The following KCTD3 variants were observed in gnomAD, a reference collection of about 807,000 sequenced individuals.
KCTD3 encodes BTB/POZ domain-containing protein KCTD3.
Under a neutral mutation model 85.8 loss-of-function variants are expected in KCTD3, and 41 were observed. That is an observed-to-expected ratio of 0.48 (90% CI 0.37 to 0.62). KCTD3 has a LOEUF of 0.62. KCTD3 is among the 20% of genes least tolerant of loss of function. The pLI, the probability that KCTD3 is intolerant of heterozygous loss-of-function variation, is 0.00. For synonymous variants in KCTD3, 338 were observed against 345.4 expected (o/e 0.98, Z 0.24); for missense variants, 724 against 989.9 (o/e 0.73, Z 3.60).
intron 15 of KCTD3, among the ~76,000 whole-genome samples, chr1:215,614,981 A>G (rs1226051128): frequency 6.6e-6 from 1 of 152,192 alleles, no homozygotes; most frequent in East Asian, 1.9e-4. Flanking sequence ...AATGTAGTAT[A>G]TCATATTTAC....
At chr1:215,617,544 A>G (rs1441968570) in intron 15 of KCTD3, among the ~76,000 whole-genome samples, 2 of 151,958 alleles carry the variant, frequency 1.3e-5, no homozygotes, top group African/African-American at 4.8e-5. Flanking sequence ...GGAGTGAAGG[A>G]CATTCTGCCC....
chr1:215,597,331 A>G (rs1654631521), intron 10 of KCTD3, among the ~76,000 whole-genome samples: 1 of 152,138 alleles, frequency 6.6e-6, no homozygotes, highest in Non-Finnish European at 1.5e-5. Flanking sequence ...AAGAATATTA[A>G]TAAGGAATTA....
chr1:215,567,732 G>A lies in KCTD3; in HGVS notation c.47G>A (p.Ser16Asn), dbSNP rs1204861079. Residue 16 changes from serine to asparagine, a missense_variant, in exon 1 of 18, where the codon AGC (serine) becomes AAC (asparagine). Physicochemically the swap from Ser to Asn is conservative, Grantham distance 46 (BLOSUM62 1). This residue lies in a region of KCTD3 where 97 missense variants were observed against 115.7 expected (regional missense o/e 0.84). Transcript: ENST00000259154. ...AGCTTCCCCGCGGCGGCGGCCGGCA[G>A]CGGCGAGATCGTCCAACTGAACGTA... ...CGSFPAAAAG[S>N]GEIVQLNVGG... 1.6e-6 allele frequency: 2 copies of A among 1,244,122 alleles called. No individual in the cohort carries two copies. Among genetic ancestry groups the A allele is most frequent in the Non-Finnish European group, 1.0e-6 (1 of 988,290 alleles). 77.1% of individuals were successfully genotyped at this position (1,244,122 alleles called of 1,614,324 possible).
Position 215,575,931 on chromosome 1 carries a change from G to A in KCTD3, c.214G>A (p.Ala72Thr), listed in dbSNP as rs1001909239. 11 of 1,565,222 alleles carry A rather than the reference G, an allele frequency of 7.0e-6. No homozygotes were observed. Among genetic ancestry groups the A allele is most frequent in the Admixed American group, 1.9e-5 (1 of 52,136 alleles). Reference sequence around the variant, plus strand: ...TATTGATAGAGATCCAGCAGCATTTGCACCCATTTTAAATTTTCTTCGGAC... The same window carrying A: ...TATTGATAGAGATCCAGCAGCATTTACACCCATTTTAAATTTTCTTCGGAC... ...IFIDRDPAAF[A>T]PILNFLRTKE... The change falls in exon 4 of 18, where the codon GCA (alanine) becomes ACA (threonine). Residue 72 changes from alanine to threonine, a missense_variant. By Grantham distance (58) the Ala-to-Thr change is moderately conservative. Coordinates refer to ENST00000259154, the MANE Select transcript of KCTD3 (RefSeq NM_016121.5).
chr1:215,580,006 T>A lies in KCTD3; in HGVS notation c.626+7T>A. 6.5e-7 allele frequency: 1 copy of A among 1,544,308 alleles called. No individual in the cohort carries two copies. The highest frequency in any genetic ancestry group is 1.1e-5 in the South Asian group (1 of 88,958). ...ATTTTGCTGTGTGTTACAGGTAGTGTATAATTAATAATGCTTTGCTTTTAC... is the reference window on the plus strand; with the variant it reads ...ATTTTGCTGTGTGTTACAGGTAGTGAATAATTAATAATGCTTTGCTTTTAC... On this transcript the variant is annotated splice_region_variant and intron_variant, in intron 8 of 17. Transcript: ENST00000259154.
intron 8 of KCTD3, among the ~76,000 whole-genome samples, chr1:215,580,655 G>A (rs912155318): frequency 6.6e-6 from 1 of 151,898 alleles, no homozygotes; most frequent in Non-Finnish European, 1.5e-5. Flanking sequence ...AGAGAATGGT[G>A]TAGAAGCACA....
chr1:215,579,053 G>A lies in KCTD3; in HGVS notation c.451G>A (p.Gly151Ser), dbSNP rs371164388. 6.3e-7 allele frequency: 1 copy of A among 1,588,180 alleles called. No individual in the cohort carries two copies. The highest frequency in any genetic ancestry group is 8.5e-7 in the Non-Finnish European group (1 of 1,170,124). The change falls in exon 7 of 18, where the codon GGT becomes AGT. Residue 151 changes from glycine to serine, a missense_variant. This residue lies in a region of KCTD3 where 106 missense variants were observed against 98.2 expected (regional missense o/e 1.08). Transcript: ENST00000259154. ...AGTCAGATCTGCTGATTCTAGGAAT[G>A]GTCTAAATTCTACAGAAGGTGAAGC... Reference protein sequence around the residue: ...NTVRSADSRNGLNSTEGEARG... With the variant: ...NTVRSADSRNSLNSTEGEARG...
At chr1:215,582,456 G>T (rs2102564653) in intron 8 of KCTD3, among the ~76,000 whole-genome samples, 1 of 152,300 alleles carries the variant, frequency 6.6e-6, no homozygotes, top group Non-Finnish European at 1.5e-5. Flanking sequence ...GTCTTAACCA[G>T]AGGGTTGGTT....
At chr1:215,568,325 T>C (rs556107917) in intron 1 of KCTD3, among the ~76,000 whole-genome samples, 2 of 152,262 alleles carry the variant, frequency 1.3e-5, no homozygotes, top group African/African-American at 4.8e-5. Flanking sequence ...AATTTCTTGG[T>C]GCATGGGCTT....
Position 215,575,973 on chromosome 1 carries a change from A to T in KCTD3, c.256A>T (p.Arg86Trp). 6.8e-7 allele frequency: 1 copy of T among 1,470,954 alleles called. No individual in the cohort carries two copies. Among genetic ancestry groups the T allele is most frequent in the Non-Finnish European group, 9.4e-7 (1 of 1,068,706 alleles). The allele number at this position is 1,470,954 out of a possible 1,614,324, so 91.1% of individuals were successfully genotyped here. ...TCTTCGGACAAAAGAACTAGACTTA[A>T]GGTAAGAAATGCACTCTTTTTAAAG... Reference protein sequence around the residue: ...NFLRTKELDLRGVSINVLRHE... With the variant: ...NFLRTKELDLWGVSINVLRHE... Residue 86 changes from arginine (R) to tryptophan (W), a missense_variant and splice_region_variant, in exon 4 of 18, where the codon AGG becomes TGG. By Grantham distance (101) the Arg-to-Trp change is moderately radical. Coordinates refer to ENST00000259154, the MANE Select transcript of KCTD3 (RefSeq NM_016121.5).
intron 9 of KCTD3, among the ~76,000 whole-genome samples, chr1:215,591,134 A>G (rs1325764354): frequency 6.6e-6 from 1 of 152,128 alleles, no homozygotes; most frequent in East Asian, 1.9e-4. Context: ...AGAACTCTCT[A>G]CTTTTATTGA....
At chr1:215,615,773 T>C (rs1655421081) in intron 15 of KCTD3, among the ~76,000 whole-genome samples, 1 of 152,186 alleles carries the variant, frequency 6.6e-6, no homozygotes. Context: ...TACTTTTATA[T>C]GACACGAGAG....
chr1:215,613,243 A>G (rs1225670279), intron 15 of KCTD3, among the ~76,000 whole-genome samples: 1 of 152,216 alleles, frequency 6.6e-6, no homozygotes, highest in African/African-American at 2.4e-5. Context: ...TTTATGAATG[A>G]GACGGAGTCT....
At position 215,583,781 on chromosome 1, in the gene KCTD3, G is replaced by A. The variant is rs115266220; in HGVS notation, c.627-2714G>A. Among the ~76,000 whole-genome samples, 1,120 of 152,190 alleles carry A rather than the reference G, an allele frequency of 7.4e-3. 13 individuals carry two copies. Among genetic ancestry groups the A allele is most frequent in the African/African-American group, 0.025 (1,021 of 41,530 alleles). ...GATGATGGTATTTCTGCCTATTAGG[G>A]TCTTCTGCATTCAGAGTAGAGGAGA... On this transcript the variant is annotated intron_variant, in intron 8 of 17. Coordinates refer to ENST00000259154, the MANE Select transcript of KCTD3 (RefSeq NM_016121.5).
At chr1:215,601,638 C>A (rs1373916740) in intron 10 of KCTD3, among the ~76,000 whole-genome samples, 2 of 151,972 alleles carry the variant, frequency 1.3e-5, no homozygotes, top group Admixed American at 6.6e-5. Flanking sequence ...GTGGGAAATA[C>A]AATTTAAAAA....
chr1:215,582,677 T>G (rs1383592182), intron 8 of KCTD3, among the ~76,000 whole-genome samples: 1 of 152,142 alleles, frequency 6.6e-6, no homozygotes, highest in African/African-American at 2.4e-5. Flanking sequence ...TTCTCCCACC[T>G]CAGCCTCCTG....
intron 8 of KCTD3, among the ~76,000 whole-genome samples, 153 bp from the exon 9 acceptor site, chr1:215,586,342 A>C (rs567702709): frequency 1.4e-4 from 22 of 152,190 alleles, no homozygotes; most frequent in Non-Finnish European, 3.1e-4. Flanking sequence ...ATATAGATCA[A>C]CAAAATTTTA....
chr1:215,595,295 G>T, intron 9 of KCTD3, 61 bp from the exon 10 acceptor site: 2 of 1,006,794 alleles, frequency 2.0e-6, no homozygotes, highest in South Asian at 2.6e-5. Context: ...TTTAATCCAG[G>T]TTTTGATTAA....
At chr1:215,582,042 T>C (rs1167277031) in intron 8 of KCTD3, among the ~76,000 whole-genome samples, 1 of 152,274 alleles carries the variant, frequency 6.6e-6, no homozygotes, top group Non-Finnish European at 1.5e-5. Context: ...GTGTTACTTC[T>C]ATTAACGAAG....
Sources: allele counts gnomAD v4.1 joint callset (sites outside exome capture counted in the v4.1 genomes callset), GRCh38; gene constraint gnomAD v4.1.1; regional missense constraint gnomAD v4.1.1; transcripts MANE v1.5; gene names NCBI Gene and HGNC (gene_info 2026-07-23, HGNC 2026-07-21).